The following MBNL1 variants were observed in gnomAD, a reference collection of about 807,000 sequenced individuals.
The protein encoded by MBNL1 is muscleblind-like protein 1.
A neutral mutation model predicts 42.2 loss-of-function variants in MBNL1; 8 were observed. The ratio of observed to expected loss-of-function variants is 0.19; its 90% CI spans 0.11 to 0.34. MBNL1 has a LOEUF of 0.34. MBNL1 is among the 10% of genes least tolerant of loss of function. MBNL1 has a pLI of 1.00. For synonymous variants in MBNL1, 169 were observed against 173.9 expected (o/e 0.97, Z 0.22); for missense variants, 309 against 495.3 (o/e 0.62, Z 3.57).
At chr3:152,406,080 T>A (rs1391990680) in intron 2 of MBNL1, among the ~76,000 whole-genome samples, 1 of 152,190 alleles carries the variant, frequency 6.6e-6, no homozygotes, top group Non-Finnish European at 1.5e-5. Context: ...CAAATGTCAC[T>A]GGGCTTTCAC....
intron 2 of MBNL1, among the ~76,000 whole-genome samples, chr3:152,313,528 A>C (rs1386253457): frequency 6.6e-6 from 1 of 152,190 alleles, no homozygotes; most frequent in African/African-American, 2.4e-5. Flanking sequence ...GATCAGTTAG[A>C]TATAAATCAT....
intron 2 of MBNL1, among the ~76,000 whole-genome samples, chr3:152,252,568 G>A (rs1342723148): frequency 1.3e-5 from 2 of 151,820 alleles, no homozygotes; most frequent in Non-Finnish European, 2.9e-5. Flanking sequence ...TTGAGTTTGG[G>A]GTTGAGCTTT....
chr3:152,322,634 T>A (rs2077107442), intron 2 of MBNL1, among the ~76,000 whole-genome samples: 1 of 152,118 alleles, frequency 6.6e-6, no homozygotes, highest in Non-Finnish European at 1.5e-5. Flanking sequence ...TTATTTTACG[T>A]GACAGTTTTA....
chr3:152,335,050 C>T, intron 2 of MBNL1: 1 of 1,234,754 alleles, frequency 8.1e-7, no homozygotes. Context: ...GCTGCTGCTG[C>T]TAATATTGCT....
intron 4 of MBNL1, among the ~76,000 whole-genome samples, chr3:152,435,527 T>C (rs1433989759): frequency 3.3e-5 from 5 of 152,180 alleles, no homozygotes; most frequent in Non-Finnish European, 7.3e-5. Context: ...TCCAGGCTCT[T>C]TTTTTATTCC....
chr3:152,353,565 C>A (rs544819429), intron 2 of MBNL1, among the ~76,000 whole-genome samples: 3 of 151,738 alleles, frequency 2.0e-5, no homozygotes, highest in African/African-American at 4.8e-5. Flanking sequence ...GAGGTAGATA[C>A]CACTGGGTAA....
chr3:152,378,030 G>T (rs771392881), intron 2 of MBNL1, among the ~76,000 whole-genome samples: 10 of 152,108 alleles, frequency 6.6e-5, no homozygotes, highest in Non-Finnish European at 1.2e-4. Flanking sequence ...GTTAAGTGAG[G>T]ACTAACTATA....
intron 2 of MBNL1, among the ~76,000 whole-genome samples, chr3:152,320,942 T>C (rs982771764): frequency 3.9e-5 from 6 of 152,112 alleles, no homozygotes; most frequent in Non-Finnish European, 8.8e-5. Context: ...GAATACTTTA[T>C]AGTGTTGCAA....
chr3:152,335,817 A>T (rs1454598186), intron 2 of MBNL1, among the ~76,000 whole-genome samples: 1 of 152,204 alleles, frequency 6.6e-6, no homozygotes, highest in Admixed American at 6.5e-5. Context: ...GGTATCCCAT[A>T]AAAACGGTAA....
At chr3:152,292,935 A>C (rs1220063508) in intron 1 of MBNL1, among the ~76,000 whole-genome samples, 1 of 151,694 alleles carries the variant, frequency 6.6e-6, no homozygotes, top group African/African-American at 2.4e-5. Flanking sequence ...TGCCTGGCTA[A>C]TTTTTGTATT....
chr3:152,397,716 T>C (rs1234812031), intron 2 of MBNL1, among the ~76,000 whole-genome samples: 2 of 152,222 alleles, frequency 1.3e-5, no homozygotes, highest in African/African-American at 4.8e-5. Context: ...AATAACCCTA[T>C]TGACTAACAT....
chr3:152,329,710 AT>A, intron 2 of MBNL1, among the ~76,000 whole-genome samples: 1 of 146,468 alleles, frequency 6.8e-6, no homozygotes, highest in African/African-American at 2.5e-5. Flanking sequence ...TATATATATA[AT>A]ATATATGTCA....
At chr3:152,345,413 A>T (rs979950184) in intron 2 of MBNL1, among the ~76,000 whole-genome samples, 1 of 152,142 alleles carries the variant, frequency 6.6e-6, no homozygotes, top group African/African-American at 2.4e-5. Context: ...AATAAAAGTG[A>T]CAACACCAAG....
At chr3:152,368,816 A>T (rs1032505442) in intron 2 of MBNL1, among the ~76,000 whole-genome samples, 1 of 150,908 alleles carries the variant, frequency 6.6e-6, no homozygotes, top group Admixed American at 6.6e-5. Flanking sequence ...TTCTCTGTCT[A>T]TTATTGGTTT....
At chr3:152,265,387 A>AGAGTGTGT (rs369008399), upstream of MBNL1, 2 of 145,190 alleles carry the variant, frequency 1.4e-5, no homozygotes, top group Admixed American at 6.8e-5. Context: ...TTTGTGTGAG[A>AGAGTGTGT]GTGTGTGTGT....
Position 152,251,820 on chromosome 3 carries a change from A to C in MBNL1, n.333+7380A>C, listed in dbSNP as rs184415163. ...TGTCTGATTTCTCTATTGCATAATG[A>C]TGGCTCCTCATCAAAAATTTCCTCT... On this transcript the variant is annotated intron_variant and non_coding_transcript_variant, in intron 2 of 2. Coordinates refer to the MBNL1 transcript ENST00000477171. Among the ~76,000 whole-genome samples the C allele has an allele frequency of 5.9e-5, 9 of 152,110 alleles. No individual in the cohort carries two copies. The East Asian group carries it at 1.7e-3, about 29-fold the overall frequency.
chr3:152,269,126 C>T (rs1576846571), intron 1 of MBNL1, 34 bp downstream of exon 1: 1 of 446,592 alleles, frequency 2.2e-6, no homozygotes, highest in Non-Finnish European at 4.5e-6. Context: ...CCCCGCGCCG[C>T]TTCATTGTTC....
rs2094782946 is a variant in MBNL1, at chr3:152,350,100, C to G, written c.174+49733C>G. On this transcript the variant is annotated intron_variant, in intron 2 of 9. Transcript: ENST00000324210. The stretch of plus-strand genomic sequence containing the variant: ...TAAAGACAAACCTTGGCGCATCTCT[C>G]TATAACCAGCAGTCAGAAAGGAGGG... 2.0e-5 allele frequency among the ~76,000 whole-genome samples: 3 copies of G among 152,018 alleles called. No homozygotes were observed. The South Asian group carries it at 6.2e-4, about 32-fold the overall frequency.
chr3:152,445,244 C>G, intron 4 of MBNL1, 38 bp from the exon 5 acceptor site: 1 of 1,562,370 alleles, frequency 6.4e-7, no homozygotes, highest in Non-Finnish European at 8.7e-7. Flanking sequence ...TCTTCTTCTT[C>G]ATGTTGACTA....
Sources: allele counts gnomAD v4.1 joint callset (sites outside exome capture counted in the v4.1 genomes callset), GRCh38; gene constraint gnomAD v4.1.1; transcripts MANE v1.5; gene names NCBI Gene and HGNC (gene_info 2026-07-23, HGNC 2026-07-21).